Variants in CACNA1C observed in about 807,000 individuals in gnomAD.
The protein encoded by CACNA1C is calcium voltage-gated channel subunit alpha1 C.
A neutral mutation model predicts 229.0 loss-of-function variants in CACNA1C; 30 were observed. The ratio of observed to expected loss-of-function variants is 0.13; its 90% CI spans 0.10 to 0.18. CACNA1C has a LOEUF of 0.18. Among genes scored for constraint, CACNA1C ranks in the 10% least tolerant of loss-of-function variants. The pLI is 1.00. For missense variants in CACNA1C, 1,658 were observed against 2,845.0 expected (o/e 0.58, Z 9.49); for synonymous variants, 1,114 against 1,132.5 (o/e 0.98, Z 0.33).
chr12:2,386,299 AAG>A (rs1334609368), intron 3 of CACNA1C, among the ~76,000 whole-genome samples: 1 of 152,086 alleles, frequency 6.6e-6, no homozygotes, highest in Non-Finnish European at 1.5e-5. Flanking sequence ...GATTTTTTTA[AAG>A]CTCCTCCGGT....
intron 3 of CACNA1C, among the ~76,000 whole-genome samples, chr12:2,386,857 C>A (rs1470248502): frequency 6.6e-6 from 1 of 152,182 alleles, no homozygotes; most frequent in Non-Finnish European, 1.5e-5. Flanking sequence ...AACCAGGTTT[C>A]CTGACTCCTG....
At chr12:2,547,503 A>T (rs1437708881) in intron 9 of CACNA1C, 2 of 779,746 alleles carry the variant, frequency 2.6e-6, no homozygotes, top group Non-Finnish European at 4.8e-6. Flanking sequence ...TGCTTGGTTT[A>T]GTCACTCCAC....
intron 30 of CACNA1C, among the ~76,000 whole-genome samples, chr12:2,644,401 C>T (rs2094114070): frequency 3.9e-5 from 6 of 152,182 alleles, no homozygotes. Flanking sequence ...GTTGGGTATT[C>T]CAGCCTAGAG....
intron 18 of CACNA1C, among the ~76,000 whole-genome samples, chr12:2,590,151 A>T (rs2064561223): frequency 6.6e-6 from 1 of 152,188 alleles, no homozygotes; most frequent in Admixed American, 6.5e-5. Flanking sequence ...TAGGCACTAG[A>T]TCCTACAAAT....
intron 31 of CACNA1C, among the ~76,000 whole-genome samples, chr12:2,650,525 G>C (rs1416710661): frequency 1.3e-5 from 2 of 152,278 alleles, no homozygotes; most frequent in Non-Finnish European, 2.9e-5. Flanking sequence ...CGCAGGTCTG[G>C]GTGAGCTGCA....
intron 1 of CACNA1C, among the ~76,000 whole-genome samples, chr12:2,038,697 G>C (rs1488541607): frequency 1.3e-5 from 2 of 152,050 alleles, no homozygotes; most frequent in African/African-American, 4.8e-5. Context: ...AGTTTTGCCG[G>C]GCAGCTTTGA....
chr12:2,356,489 C>T (rs954393101), intron 3 of CACNA1C, among the ~76,000 whole-genome samples: 2 of 152,210 alleles, frequency 1.3e-5, no homozygotes, highest in Admixed American at 1.3e-4. Flanking sequence ...ACTGTATGCC[C>T]AGGAAAGGGG....
Position 2,679,837 on chromosome 12 carries a change from C to T in CACNA1C, c.5444+41C>T, listed in dbSNP as rs769768800. 55 of 1,371,828 alleles carry T rather than the reference C, an allele frequency of 4.0e-5. No homozygotes were observed. Among genetic ancestry groups the T allele is most frequent in the Admixed American group, 4.2e-5 (2 of 47,362 alleles). The allele number at this position is 1,371,828 out of a possible 1,614,324, so 85.0% of individuals were successfully genotyped here. ...GCCACCCCAGGCGGCACACAGGGCC[C>T]ACGTGCTGCAACCCTCAGGAGACAG... On this transcript the variant is annotated intron_variant, in intron 42 of 46. Coordinates refer to ENST00000399655, the MANE Select transcript of CACNA1C (RefSeq NM_000719.7). This position sits in a 1 kb window ranked among gnomAD's most constrained non-coding sequence, Gnocchi z 5.5.
intron 1 of CACNA1C, among the ~76,000 whole-genome samples, chr12:2,042,861 G>T (rs2050367383): frequency 6.6e-6 from 1 of 152,170 alleles, no homozygotes; most frequent in South Asian, 2.1e-4. Flanking sequence ...CACTTTCGAA[G>T]GCCACTTGGG....
intron 3 of CACNA1C, among the ~76,000 whole-genome samples, chr12:2,441,271 C>A (rs1326102457): frequency 1.3e-5 from 2 of 152,194 alleles, no homozygotes; most frequent in Non-Finnish European, 2.9e-5. Context: ...TGTAGCCACA[C>A]AGTGTTCAGC....
chr12:2,682,051 C>G (rs531405662), intron 42 of CACNA1C: 109 of 1,551,648 alleles, frequency 7.0e-5, no homozygotes, highest in Non-Finnish European at 9.6e-5. Context: ...GCAAACCCCT[C>G]TAGGTGAGGC....
At chr12:2,209,478 C>T (rs762276852) in intron 3 of CACNA1C, among the ~76,000 whole-genome samples, 13 of 152,230 alleles carry the variant, frequency 8.5e-5, no homozygotes, top group Non-Finnish European at 1.8e-4. Context: ...GGAGGCACGC[C>T]CGTGGCTGCT....
At chr12:2,251,437 T>G (rs2075582727) in intron 3 of CACNA1C, among the ~76,000 whole-genome samples, 2 of 152,182 alleles carry the variant, frequency 1.3e-5, no homozygotes, top group Non-Finnish European at 2.9e-5. Context: ...GAGAAGTAGC[T>G]TCTATGAAAT....
At chr12:2,281,506 A>G (rs559374135) in intron 3 of CACNA1C, among the ~76,000 whole-genome samples, 1 of 152,288 alleles carries the variant, frequency 6.6e-6, no homozygotes, top group Admixed American at 6.5e-5. Flanking sequence ...TCTGAAGAGA[A>G]GTCTTTATTT....
chr12:2,188,584 CAGAG>C (rs1199145807), intron 3 of CACNA1C, among the ~76,000 whole-genome samples: 2 of 152,058 alleles, frequency 1.3e-5, no homozygotes, highest in African/African-American at 4.8e-5. Flanking sequence ...TCCCCATCCC[CAGAG>C]AGAGAGAAAA....
rs1483190714 is a variant in CACNA1C, at chr12:2,457,563, C to G, written c.618-4C>G. 10 of 1,611,020 alleles carry G rather than the reference C, an allele frequency of 6.2e-6. No individual in the cohort carries two copies. Among genetic ancestry groups the G allele is most frequent in the Non-Finnish European group, 7.6e-6 (9 of 1,178,620 alleles). On this transcript the variant is annotated splice_region_variant and splice_polypyrimidine_tract_variant and intron_variant, in intron 4 of 46. Transcript: ENST00000399655. ...ACAGTCCTTCTCTCTTTCCTCTCTT[C>G]TAGGCTTTTTAGTGCAATTTTAGAA...
chr12:2,113,645 C>T (rs555762874), intron 1 of CACNA1C, among the ~76,000 whole-genome samples: 12 of 152,268 alleles, frequency 7.9e-5, no homozygotes, highest in South Asian at 2.1e-4. Context: ...CCAACCTCAC[C>T]GCCCACAGTA....
At chr12:2,148,455 T>C (rs1281075914) in intron 3 of CACNA1C, among the ~76,000 whole-genome samples, 1 of 151,274 alleles carries the variant, frequency 6.6e-6, no homozygotes, top group East Asian at 1.9e-4. Context: ...GGGTTCTGGG[T>C]CACATCTTCC....
In CACNA1C at chr12:2,585,672, G is replaced by T. The variant is rs1031325526; in HGVS notation, c.2461-163G>T. 6.6e-6 allele frequency among the ~76,000 whole-genome samples: 1 copy of T among 152,232 alleles called. No individual in the cohort carries two copies. The highest frequency in any genetic ancestry group is 1.5e-5 in the Non-Finnish European group (1 of 68,046). On this transcript the variant is annotated intron_variant, in intron 17 of 46. Coordinates refer to ENST00000399655, the MANE Select transcript of CACNA1C (RefSeq NM_000719.7). The surrounding 1 kb of genome is among the most constrained non-coding windows in gnomAD (Gnocchi z 4.1). ...GGGGGAAGATAAGGCAGATTGGCTG[G>T]ATCCCAGCCATCTGCTGATGTCTTG...
Sources: gnomAD v4.1 joint callset for allele counts (sites outside exome capture counted in the v4.1 genomes callset) on GRCh38, gnomAD v4.1.1 for gene constraint, Gnocchi (gnomAD v3.1) non-coding constraint, MANE v1.5 for transcripts, NCBI Gene and HGNC (gene_info 2026-07-23, HGNC 2026-07-21) for gene names.